The following SUGCT variants were observed in gnomAD, a reference collection of about 807,000 sequenced individuals.
SUGCT encodes succinyl-CoA:glutarate CoA-transferase.
In SUGCT, 41 loss-of-function variants were observed where a neutral mutation model predicts 55.0. That is an observed-to-expected ratio of 0.74 (90% confidence interval 0.58 to 0.97). SUGCT has a LOEUF of 0.97. SUGCT is among the 50% of genes least tolerant of loss of function. The pLI is 0.00. For missense variants in SUGCT, 568 were observed against 547.8 expected (o/e 1.04, Z -0.37); for synonymous variants, 187 against 200.4 (o/e 0.93, Z 0.56).
intron 11 of SUGCT, among the ~76,000 whole-genome samples, chr7:40,474,216 T>C (rs1790542001): frequency 6.6e-6 from 1 of 152,144 alleles, no homozygotes; most frequent in South Asian, 2.1e-4. Context: ...CATAGAGTAG[T>C]ATGTTAGGGT....
At chr7:40,251,091 A>G (rs573954146) in intron 7 of SUGCT, among the ~76,000 whole-genome samples, 1 of 152,156 alleles carries the variant, frequency 6.6e-6, no homozygotes, top group South Asian at 2.1e-4. Context: ...GGCCTCCCAA[A>G]CTGCTGGGAT....
At chr7:40,823,906 C>T (rs1188729441) in intron 13 of SUGCT, among the ~76,000 whole-genome samples, 1 of 152,096 alleles carries the variant, frequency 6.6e-6, no homozygotes, top group Non-Finnish European at 1.5e-5. Context: ...TGGTTTTAAT[C>T]TTATTGCTAA....
chr7:40,264,593 T>C (rs146417857), intron 7 of SUGCT, among the ~76,000 whole-genome samples: 10 of 152,326 alleles, frequency 6.6e-5, no homozygotes, highest in Non-Finnish European at 1.5e-4. Flanking sequence ...TTCTCTATGC[T>C]TGCAATTCCA....
chr7:40,989,852 C>T, the SUGCT span, among the ~76,000 whole-genome samples: 2 of 152,174 alleles, frequency 1.3e-5, no homozygotes, highest in Admixed American at 6.6e-5. Flanking sequence ...TTAGTCACTT[C>T]TTCAGGCTAT....
chr7:40,158,293 C>CG (rs1462245429), intron 1 of SUGCT, among the ~76,000 whole-genome samples: 5 of 152,164 alleles, frequency 3.3e-5, no homozygotes, highest in African/African-American at 1.2e-4. Context: ...TCTTTGTAGA[C>CG]TAATATTCCT....
At chr7:41,020,378 C>G in the SUGCT span, among the ~76,000 whole-genome samples, 2 of 152,150 alleles carry the variant, frequency 1.3e-5, no homozygotes, top group Non-Finnish European at 1.5e-5. Flanking sequence ...TTAAACTAAA[C>G]CTGGAAACAA....
At chr7:41,025,920 C>A in the SUGCT span, among the ~76,000 whole-genome samples, 1 of 152,180 alleles carries the variant, frequency 6.6e-6, no homozygotes, top group Non-Finnish European at 1.5e-5. Flanking sequence ...AGGAACTCTG[C>A]ACATGTTAAC....
intron 3 of SUGCT, among the ~76,000 whole-genome samples, chr7:40,187,115 A>G (rs1184748809): frequency 6.6e-6 from 1 of 152,196 alleles, no homozygotes. Flanking sequence ...ATAAAAAATG[A>G]TGAGTTCATG....
intron 9 of SUGCT, among the ~76,000 whole-genome samples, chr7:40,328,737 G>A (rs975607226): frequency 2.6e-5 from 4 of 151,908 alleles, no homozygotes; most frequent in Non-Finnish European, 4.4e-5. Context: ...GTGTATGTGT[G>A]TGTATGTGTG....
intron 1 of SUGCT, among the ~76,000 whole-genome samples, chr7:40,154,936 G>C (rs1003028377): frequency 6.6e-6 from 1 of 152,182 alleles, no homozygotes; most frequent in African/African-American, 2.4e-5. Context: ...AGAGGACTAG[G>C]ATTTATCAAA....
chr7:40,879,097 A>G, the SUGCT span, among the ~76,000 whole-genome samples: 1 of 152,012 alleles, frequency 6.6e-6, no homozygotes, highest in Admixed American at 6.6e-5. Context: ...CAGCCCCTCA[A>G]TCTTACTTTC....
chr7:40,854,484 C>CTCTTTCTTTCTT (rs150153135), intron 13 of SUGCT, among the ~76,000 whole-genome samples: 115 of 106,208 alleles, frequency 1.1e-3, no homozygotes, highest in African/African-American at 3.9e-3. Context: ...TTCTCTTTCT[C>CTCTTTCTTTCTT]TCTTTCTTTC....
chr7:40,263,894 C>T (rs558147352), intron 7 of SUGCT, among the ~76,000 whole-genome samples: 1 of 151,976 alleles, frequency 6.6e-6, no homozygotes, highest in South Asian at 2.1e-4. Context: ...TCTGGGGTCT[C>T]AATTCGTCAT....
chr7:40,683,066 G>A (rs1197298903), intron 12 of SUGCT, among the ~76,000 whole-genome samples: 1 of 151,292 alleles, frequency 6.6e-6, no homozygotes, highest in African/African-American at 2.4e-5. Flanking sequence ...CTTTATATCA[G>A]TAAATTATCC....
intron 12 of SUGCT, among the ~76,000 whole-genome samples, chr7:40,650,486 C>A (rs534565665): frequency 6.6e-6 from 1 of 152,158 alleles, no homozygotes; most frequent in Middle Eastern, 3.4e-3. Flanking sequence ...AGGTTTGGTC[C>A]GCTCCCTGTG....
chr7:40,923,930 C>T, the SUGCT span, among the ~76,000 whole-genome samples: 6 of 152,068 alleles, frequency 3.9e-5, no homozygotes, highest in Non-Finnish European at 7.3e-5. Context: ...CCCACAAATT[C>T]ATATATTAAC....
intron 9 of SUGCT, among the ~76,000 whole-genome samples, chr7:40,397,319 A>G (rs574283902): frequency 1.3e-5 from 2 of 152,310 alleles, no homozygotes; most frequent in South Asian, 2.1e-4. Flanking sequence ...TCAGCTCTCA[A>G]GCCTCTTCAT....
the SUGCT span, among the ~76,000 whole-genome samples, chr7:40,907,911 T>C: frequency 6.6e-6 from 1 of 152,202 alleles, no homozygotes; most frequent in African/African-American, 2.4e-5. Flanking sequence ...AATACTCACC[T>C]TTTAATTCTA....
At chr7:40,445,188 A>C (rs1788748930) in intron 9 of SUGCT, among the ~76,000 whole-genome samples, 1 of 152,116 alleles carries the variant, frequency 6.6e-6, no homozygotes. Flanking sequence ...AAAACCCTTA[A>C]AAAAATCAAT....
Sources: allele counts gnomAD v4.1 joint callset (sites outside exome capture counted in the v4.1 genomes callset), GRCh38; gene constraint gnomAD v4.1.1; transcripts MANE v1.5; gene names NCBI Gene and HGNC (gene_info 2026-07-23, HGNC 2026-07-21).